ITGA9: variants seen among roughly 807,000 people sequenced by gnomAD.
The protein encoded by ITGA9 is integrin subunit alpha 9.
ITGA9 carries 56 observed loss-of-function variants against 127.8 expected under a neutral mutation model. The ratio of observed to expected loss-of-function variants is 0.44; its 90% CI spans 0.35 to 0.55. The LOEUF is 0.55. Ranked by LOEUF, ITGA9 falls within the 20% of genes least tolerant of loss-of-function variation. ITGA9 has a pLI of 0.00. For synonymous variants in ITGA9, 508 were observed against 514.5 expected, an observed-to-expected ratio of 0.99 and a Z score of 0.17; for missense variants, 1,196 against 1,347.1, an observed-to-expected ratio of 0.89 and a Z score of 1.76.
chr3:37,707,636 G>A (rs956624868), intron 18 of ITGA9, among the ~76,000 whole-genome samples: 1 of 152,166 alleles, frequency 6.6e-6, no homozygotes, highest in Admixed American at 6.5e-5. Flanking sequence ...CTTCTCTCCA[G>A]GCCCTGGCTT....
chr3:37,670,451 G>T (rs1700626697), intron 17 of ITGA9, among the ~76,000 whole-genome samples: 1 of 152,132 alleles, frequency 6.6e-6, no homozygotes, highest in South Asian at 2.1e-4. Context: ...GCTGATCTGT[G>T]AACCCGGATA....
chr3:37,769,610 G>A (rs1182441037), intron 23 of ITGA9, among the ~76,000 whole-genome samples: 3 of 152,154 alleles, frequency 2.0e-5, no homozygotes, highest in African/African-American at 7.2e-5. Context: ...TGCTTGACCT[G>A]TGTTGAACTC....
chr3:37,643,229 C>T (rs1423082489), intron 16 of ITGA9, among the ~76,000 whole-genome samples: 2 of 152,196 alleles, frequency 1.3e-5, no homozygotes, highest in South Asian at 4.1e-4. Flanking sequence ...CAACCCTACT[C>T]TTATGGGTAT....
chr3:37,486,401 A>G (rs929921404), intron 4 of ITGA9, among the ~76,000 whole-genome samples: 2 of 152,230 alleles, frequency 1.3e-5, no homozygotes, highest in Non-Finnish European at 2.9e-5. Context: ...GGCAAGCTCC[A>G]TGAGCCTGGT....
intron 3 of ITGA9, among the ~76,000 whole-genome samples, chr3:37,477,265 A>G (rs1473792145): frequency 4.6e-5 from 7 of 152,212 alleles, no homozygotes; most frequent in African/African-American, 2.4e-5. Context: ...GGAGCACAAT[A>G]TTGGATTCCA....
intron 18 of ITGA9, among the ~76,000 whole-genome samples, chr3:37,695,724 C>CTTG (rs1157811310): frequency 6.6e-5 from 10 of 152,234 alleles, no homozygotes; most frequent in African/African-American, 2.4e-4. Context: ...GCCTGTCCTG[C>CTTG]TCTCCCAAGC....
chr3:37,587,899 C>T (rs1359347113), intron 15 of ITGA9, among the ~76,000 whole-genome samples: 1 of 152,324 alleles, frequency 6.6e-6, no homozygotes, highest in Non-Finnish European at 1.5e-5. Context: ...AACGGACTCT[C>T]CTGCCCGGAC....
At chr3:37,728,373 A>AT (rs1243602835) in intron 18 of ITGA9, among the ~76,000 whole-genome samples, 1 of 152,216 alleles carries the variant, frequency 6.6e-6, no homozygotes, top group Non-Finnish European at 1.5e-5. Flanking sequence ...AATTGAATTG[A>AT]TTTTTTAAAT....
At chr3:37,533,052 G>A (rs920133533) in intron 13 of ITGA9, among the ~76,000 whole-genome samples, 2 of 152,140 alleles carry the variant, frequency 1.3e-5, no homozygotes, top group Non-Finnish European at 2.9e-5. Flanking sequence ...TTCATTTATG[G>A]CTTCAACCAG....
intron 4 of ITGA9, among the ~76,000 whole-genome samples, chr3:37,485,402 A>T (rs1056243170): frequency 6.6e-6 from 1 of 151,552 alleles, no homozygotes; most frequent in African/African-American, 2.4e-5. Context: ...TGGGTTGAGG[A>T]CGGCTCTGCT....
At chr3:37,458,406 G>A (rs939256204) in intron 1 of ITGA9, among the ~76,000 whole-genome samples, 4 of 152,222 alleles carry the variant, frequency 2.6e-5, no homozygotes, top group African/African-American at 9.7e-5. Context: ...GGGACAGAGA[G>A]AGCCTCTGAC....
rs76639687 is a variant in ITGA9 at position 37,683,455 on chromosome 3, C to G, written c.1917-410C>G. On this transcript the variant is annotated intron_variant, in intron 17 of 27. Transcript: ENST00000264741. ...TTGCTTCTTTCTATGTGTGTTTTCT[C>G]TCTCCCTGAAGCTACCAGGACTCTG... 1.2e-3 allele frequency among the ~76,000 whole-genome samples: 177 copies of G among 152,368 alleles called. 3 individuals are homozygous for G. In the East Asian group the frequency reaches 0.033, roughly 28 times the overall value.
intron 2 of ITGA9, among the ~76,000 whole-genome samples, chr3:37,472,339 A>G (rs925296856): frequency 2.0e-5 from 3 of 152,226 alleles, no homozygotes; most frequent in African/African-American, 4.8e-5. Context: ...CATGACTGCA[A>G]GCATTTCTTT....
intron 23 of ITGA9, among the ~76,000 whole-genome samples, chr3:37,755,037 A>G (rs1256972298): frequency 7.9e-5 from 12 of 152,218 alleles, no homozygotes; most frequent in Admixed American, 7.9e-4. Flanking sequence ...GCTAAAGAGT[A>G]AAGAAATTAC....
At position 37,819,616 on chromosome 3, in the gene ITGA9, G is replaced by C. The variant is rs1697486697; in HGVS notation, c.*627G>C. On this transcript the variant is annotated 3_prime_UTR_variant, in exon 28 of 28. Coordinates refer to ENST00000264741, the MANE Select transcript of ITGA9 (RefSeq NM_002207.3). ...ATCTTTATCGCCTCGATCAAGTGTG[G>C]AGTCACATGCTAATGTGTGCTAAAG... is the stretch of plus-strand genomic sequence containing the variant. The C allele has an allele frequency of 6.5e-6, 1 of 153,630 alleles. No homozygotes were observed. Among genetic ancestry groups the C allele is most frequent in the Admixed American group, 6.4e-5 (1 of 15,510 alleles). 9.5% of individuals were successfully genotyped at this position (153,630 alleles called of 1,614,324 possible). A position where few individuals can be genotyped will look rare whatever the true frequency, so the allele number is the denominator to read the frequency against.
intron 15 of ITGA9, among the ~76,000 whole-genome samples, chr3:37,605,523 A>T (rs574318346): frequency 1.3e-5 from 2 of 152,308 alleles, no homozygotes; most frequent in African/African-American, 4.8e-5. Context: ...CTTCATTCCT[A>T]TGCAACTTTG....
chr3:37,495,754 A>G (rs549676547), intron 5 of ITGA9, among the ~76,000 whole-genome samples: 1 of 152,326 alleles, frequency 6.6e-6, no homozygotes, highest in Non-Finnish European at 1.5e-5. Flanking sequence ...ATTCAGTGGC[A>G]TTAGTGCATT....
chr3:37,819,651 T>G lies in ITGA9; in HGVS notation c.*662T>G, dbSNP rs930922821. 1 of 152,478 alleles carries G rather than the reference T, an allele frequency of 6.6e-6. No individual in the cohort carries two copies. Among genetic ancestry groups the G allele is most frequent in the Non-Finnish European group, 1.5e-5 (1 of 68,270 alleles). The allele number at this position is 152,478 out of a possible 1,614,324, so 9.4% of individuals were successfully genotyped here. A position where few individuals can be genotyped will look rare whatever the true frequency, so the allele number is the denominator to read the frequency against. On this transcript the variant is annotated 3_prime_UTR_variant, in exon 28 of 28. Coordinates refer to ENST00000264741, the MANE Select transcript of ITGA9 (RefSeq NM_002207.3). ...CTAATGTGTGCTAAAGAACTGTAAG[T>G]GTTTTTTCATATGTACTTTTCATTG...
At chr3:37,626,944 C>G (rs1393170438) in intron 15 of ITGA9, among the ~76,000 whole-genome samples, 2 of 152,160 alleles carry the variant, frequency 1.3e-5, no homozygotes, top group Non-Finnish European at 2.9e-5. Context: ...TATTTTTAAA[C>G]ACATAAAGAT....
Sources: allele counts gnomAD v4.1 joint callset (sites outside exome capture counted in the v4.1 genomes callset), GRCh38; gene constraint gnomAD v4.1.1; transcripts MANE v1.5; gene names NCBI Gene and HGNC (gene_info 2026-07-23, HGNC 2026-07-21).